The following PARD3 variants were observed in gnomAD, a reference collection of about 807,000 sequenced individuals.
PARD3 encodes the protein partitioning defective 3 homolog.
Under a neutral mutation model 155.4 loss-of-function variants are expected in PARD3, and 75 were observed. The observed-to-expected ratio is 0.48, with a 90% CI of 0.40 to 0.58. The LOEUF is 0.58. Among genes scored for constraint, PARD3 ranks in the 20% least tolerant of loss-of-function variants. The pLI is 0.00. For missense variants in PARD3, 1,642 were observed against 1,721.7 expected, an observed-to-expected ratio of 0.95 and a Z score of 0.82; for synonymous variants, 576 against 610.5, an observed-to-expected ratio of 0.94 and a Z score of 0.83.
intron 2 of PARD3, among the ~76,000 whole-genome samples, chr10:34,612,066 T>C (rs1299226201): frequency 1.3e-5 from 2 of 151,842 alleles, no homozygotes; most frequent in Non-Finnish European, 2.9e-5. Flanking sequence ...CACCTCGTGA[T>C]CCGCCCGCCT....
intron 21 of PARD3, among the ~76,000 whole-genome samples, chr10:34,280,756 G>GT (rs1179502785): frequency 2.0e-5 from 3 of 152,246 alleles, no homozygotes; most frequent in African/African-American, 7.2e-5. Context: ...GTTGTGGGAT[G>GT]TCAGTATTCC....
In PARD3 at chr10:34,227,883, T is replaced by TATATATATATATATAC. The variant is rs1491222875; in HGVS notation, c.3419+41773_3419+41774insGTATATATATATATAT. Among the ~76,000 whole-genome samples the TATATATATATATATAC allele has an allele frequency of 2.0e-3, 261 of 130,350 alleles. 4 individuals are homozygous for TATATATATATATATAC. Among genetic ancestry groups the TATATATATATATATAC allele is most frequent in the African/African-American group, 7.4e-3 (252 of 34,226 alleles). 85.5% of individuals were successfully genotyped at this position (130,350 alleles called of 152,430 possible). A position where few individuals can be genotyped will look rare whatever the true frequency, so the allele number is the denominator to read the frequency against. ...ATATATATATATATATATATATATA[T>TATATATATATATATAC]ACTGGGAATATATATGTATATATAA... On this transcript the variant is annotated intron_variant, in intron 22 of 24. Coordinates refer to ENST00000374788, the MANE Select transcript of PARD3 (RefSeq NM_001184785.2).
intron 2 of PARD3, among the ~76,000 whole-genome samples, chr10:34,652,331 T>C (rs962159455): frequency 6.6e-6 from 1 of 152,194 alleles, no homozygotes; most frequent in Non-Finnish European, 1.5e-5. Context: ...GGCTATTGGC[T>C]GAGATGAAAA....
chr10:34,716,642 G>C (rs2094526278), intron 1 of PARD3, among the ~76,000 whole-genome samples: 1 of 132,062 alleles, frequency 7.6e-6, no homozygotes, highest in East Asian at 2.3e-4. Context: ...GCCTAGGCTA[G>C]AGTGCAATGG....
At chr10:34,310,425 G>A (rs1957642548) in intron 20 of PARD3, among the ~76,000 whole-genome samples, 1 of 152,204 alleles carries the variant, frequency 6.6e-6, no homozygotes, top group Non-Finnish European at 1.5e-5. Context: ...TCTCAGAACT[G>A]TCAAGAATTT....
intron 3 of PARD3, among the ~76,000 whole-genome samples, chr10:34,513,531 T>C (rs974403949): frequency 6.6e-6 from 1 of 152,216 alleles, no homozygotes; most frequent in African/African-American, 2.4e-5. Flanking sequence ...TTCGCCCACC[T>C]TGGCCTTCCA....
chr10:34,679,559 T>A (rs1024613846), intron 2 of PARD3, among the ~76,000 whole-genome samples: 5 of 152,158 alleles, frequency 3.3e-5, no homozygotes, highest in Non-Finnish European at 7.3e-5. Flanking sequence ...AATGGAGTGA[T>A]CGGATGCTCA....
At chr10:34,115,977 C>T (rs534105514) in intron 24 of PARD3, among the ~76,000 whole-genome samples, 220 of 152,246 alleles carry the variant, frequency 1.4e-3, no homozygotes, top group South Asian at 4.8e-3. Context: ...ATCCCAAATG[C>T]TGGGATTACA....
At chr10:34,362,006 G>A (rs951693067) in intron 12 of PARD3, among the ~76,000 whole-genome samples, 2 of 152,140 alleles carry the variant, frequency 1.3e-5, no homozygotes, top group Non-Finnish European at 2.9e-5. Flanking sequence ...GGCTGGGCGT[G>A]GTGGCTCACG....
chr10:34,203,740 C>T (rs899553248), intron 22 of PARD3, among the ~76,000 whole-genome samples: 10 of 152,122 alleles, frequency 6.6e-5, no homozygotes, highest in Non-Finnish European at 1.3e-4. Context: ...GATGCAGAAC[C>T]CATGAATGCA....
chr10:34,126,584 C>T (rs1854363), intron 23 of PARD3, among the ~76,000 whole-genome samples: 38,326 of 152,002 alleles, frequency 0.25, 5,103 homozygotes, highest in Middle Eastern at 0.38. Context: ...ATACAGTGAC[C>T]CTTCAAGGTC....
intron 2 of PARD3, among the ~76,000 whole-genome samples, chr10:34,520,973 T>C (rs568514539): frequency 1.5e-3 from 233 of 152,336 alleles, no homozygotes; most frequent in African/African-American, 4.7e-3. Flanking sequence ...TTTGAAGATA[T>C]TAAGTTTTGA....
intron 2 of PARD3, among the ~76,000 whole-genome samples, chr10:34,530,097 T>C (rs189866121): frequency 1.3e-5 from 2 of 152,164 alleles, no homozygotes; most frequent in Admixed American, 1.3e-4. Flanking sequence ...ATCGTCATCA[T>C]CTTCATGAGG....
intron 16 of PARD3, among the ~76,000 whole-genome samples, chr10:34,340,112 A>C (rs1836644698): frequency 6.6e-6 from 1 of 152,156 alleles, no homozygotes; most frequent in African/African-American, 2.4e-5. Context: ...TTTGCCCCAC[A>C]TTCCCCACAG....
At chr10:34,419,969 CAG>C (rs1171505228) in intron 5 of PARD3, among the ~76,000 whole-genome samples, 1 of 152,194 alleles carries the variant, frequency 6.6e-6, no homozygotes, top group Admixed American at 6.5e-5. Flanking sequence ...TTGATTGAGA[CAG>C]AGTCTTGCTT....
chr10:34,145,325 C>A (rs1219040470), intron 22 of PARD3, among the ~76,000 whole-genome samples: 1 of 145,650 alleles, frequency 6.9e-6, no homozygotes, highest in African/African-American at 2.5e-5. Flanking sequence ...CTAGGTGATT[C>A]TTTAATCTGG....
chr10:34,767,197 T>A (rs61840961), intron 1 of PARD3, among the ~76,000 whole-genome samples: 43,465 of 152,032 alleles, frequency 0.29, 6,530 homozygotes, highest in East Asian at 0.54. Flanking sequence ...AGTGCTTGTT[T>A]TAACAGAGCT....
intron 2 of PARD3, among the ~76,000 whole-genome samples, chr10:34,534,889 G>A (rs1052223575): frequency 1.3e-5 from 2 of 152,162 alleles, no homozygotes; most frequent in Non-Finnish European, 2.9e-5. Flanking sequence ...GTGCATGCCT[G>A]TAATCTCAGC....
intron 2 of PARD3, among the ~76,000 whole-genome samples, chr10:34,549,363 G>A (rs1308605224): frequency 6.6e-6 from 1 of 152,134 alleles, no homozygotes; most frequent in Non-Finnish European, 1.5e-5. Flanking sequence ...TTAAAAATAT[G>A]TAAAAACATT....
Sources: allele counts gnomAD v4.1 joint callset (sites outside exome capture counted in the v4.1 genomes callset), GRCh38; gene constraint gnomAD v4.1.1; transcripts MANE v1.5; gene names NCBI Gene and HGNC (gene_info 2026-07-23, HGNC 2026-07-21).